The following IMMP2L variants were observed in gnomAD, a reference collection of about 807,000 sequenced individuals.
IMMP2L encodes mitochondrial inner membrane protease subunit 2.
In IMMP2L, 18 loss-of-function variants were observed where a neutral mutation model predicts 19.3. The observed-to-expected ratio is 0.93, with a 90% CI of 0.64 to 1.38. The LOEUF (loss-of-function observed/expected upper bound fraction) is 1.38, where lower values mean the gene tolerates loss of function less well. Among genes scored for constraint, IMMP2L ranks in the 40% most tolerant of loss-of-function variants. The pLI is 0.00. For missense variants in IMMP2L, 233 were observed against 218.2 expected, an observed-to-expected ratio of 1.07 and a Z score of -0.43; for synonymous variants, 76 against 73.0, an observed-to-expected ratio of 1.04 and a Z score of -0.21.
At chr7:110,773,053 T>C (rs1319464179) in intron 5 of IMMP2L, among the ~76,000 whole-genome samples, 2 of 152,104 alleles carry the variant, frequency 1.3e-5, no homozygotes, top group East Asian at 3.9e-4. Context: ...TGAGGAGATA[T>C]ATATTCCCAA....
At chr7:111,104,427 G>A (rs1363012653) in intron 3 of IMMP2L, among the ~76,000 whole-genome samples, 1 of 151,756 alleles carries the variant, frequency 6.6e-6, no homozygotes, top group Non-Finnish European at 1.5e-5. Flanking sequence ...CACTTCTGTT[G>A]ATAATGCTCC....
At chr7:111,070,775 T>C (rs911371038) in intron 3 of IMMP2L, among the ~76,000 whole-genome samples, 1 of 152,182 alleles carries the variant, frequency 6.6e-6, no homozygotes, top group African/African-American at 2.4e-5. Flanking sequence ...GAACCTTAGA[T>C]ACTTTAAAAT....
intron 3 of IMMP2L, among the ~76,000 whole-genome samples, chr7:111,325,568 G>A (rs1825224182): frequency 6.6e-6 from 1 of 151,504 alleles, no homozygotes; most frequent in Non-Finnish European, 1.5e-5. Context: ...ATTTTTTGGA[G>A]TTTAGGTTTT....
chr7:111,484,817 C>T (rs1012368653), intron 3 of IMMP2L, among the ~76,000 whole-genome samples: 2 of 152,130 alleles, frequency 1.3e-5, no homozygotes, highest in Non-Finnish European at 2.9e-5. Context: ...TAGGCAGGGT[C>T]TCACTGTCAC....
At chr7:110,900,225 A>G (rs1040676889) in intron 4 of IMMP2L, among the ~76,000 whole-genome samples, 1 of 151,732 alleles carries the variant, frequency 6.6e-6, no homozygotes, top group Admixed American at 6.6e-5. Flanking sequence ...TGAAGAGTCA[A>G]TCCTCCGTAA....
intron 3 of IMMP2L, among the ~76,000 whole-genome samples, chr7:111,312,577 T>C (rs1823636006): frequency 6.6e-6 from 1 of 152,122 alleles, no homozygotes; most frequent in African/African-American, 2.4e-5. Context: ...ATAAACCTTC[T>C]AGTGTAGTCA....
chr7:111,219,581 C>G (rs1812307598), intron 3 of IMMP2L, among the ~76,000 whole-genome samples: 1 of 151,890 alleles, frequency 6.6e-6, no homozygotes, highest in Admixed American at 6.6e-5. Context: ...TTTTTGCTTA[C>G]ATATTTTATT....
intron 5 of IMMP2L, among the ~76,000 whole-genome samples, chr7:110,882,852 G>A (rs533245039): frequency 2.5e-4 from 38 of 150,698 alleles, no homozygotes; most frequent in Middle Eastern, 3.4e-3. Context: ...TGCTTAAAAT[G>A]TCCATTTCCC....
chr7:110,687,565 A>C (rs567495376), intron 5 of IMMP2L, among the ~76,000 whole-genome samples: 5 of 152,206 alleles, frequency 3.3e-5, no homozygotes, highest in Non-Finnish European at 5.9e-5. Flanking sequence ...TGGCTGACAA[A>C]AGGGACCTAT....
intron 3 of IMMP2L, among the ~76,000 whole-genome samples, chr7:111,110,061 G>A (rs1364149683): frequency 6.6e-6 from 1 of 152,168 alleles, no homozygotes; most frequent in African/African-American, 2.4e-5. Context: ...CTTGAACCCA[G>A]GAGGTGGAGG....
chr7:111,219,392 A>G (rs2129620264), intron 3 of IMMP2L, among the ~76,000 whole-genome samples: 1 of 152,124 alleles, frequency 6.6e-6, no homozygotes, highest in East Asian at 1.9e-4. Context: ...TCTGGAAATA[A>G]GGCCTAGGAC....
At chr7:111,489,401 T>A (rs944153878) in intron 2 of IMMP2L, among the ~76,000 whole-genome samples, 2 of 152,072 alleles carry the variant, frequency 1.3e-5, no homozygotes, top group African/African-American at 4.8e-5. Context: ...GACTCTCCAA[T>A]AATGCTACCA....
chr7:111,325,768 C>A (rs1311127291), intron 3 of IMMP2L, among the ~76,000 whole-genome samples: 2 of 151,592 alleles, frequency 1.3e-5, no homozygotes, highest in Non-Finnish European at 3.0e-5. Flanking sequence ...GAGTATATAA[C>A]TTCTATTCCC....
chr7:110,673,127 A>C (rs1375392332), intron 5 of IMMP2L, among the ~76,000 whole-genome samples: 1 of 152,208 alleles, frequency 6.6e-6, no homozygotes, highest in Non-Finnish European at 1.5e-5. Flanking sequence ...TATCCTCTGA[A>C]GTCTAGATGG....
chr7:111,013,619 C>T (rs1044590794), intron 3 of IMMP2L, among the ~76,000 whole-genome samples: 3 of 152,088 alleles, frequency 2.0e-5, no homozygotes, highest in African/African-American at 7.2e-5. Context: ...TGTTCACAGG[C>T]ATCACTCCAA....
chr7:110,821,345 G>C (rs550609208), intron 5 of IMMP2L, among the ~76,000 whole-genome samples: 70 of 152,192 alleles, frequency 4.6e-4, no homozygotes, highest in Admixed American at 1.6e-3. Context: ...ACTATAAACA[G>C]AGTCTTTATC....
At chr7:111,435,740 G>T (rs1256389071) in intron 3 of IMMP2L, among the ~76,000 whole-genome samples, 1 of 151,752 alleles carries the variant, frequency 6.6e-6, no homozygotes, top group Non-Finnish European at 1.5e-5. Context: ...AAAAAACTAT[G>T]AGCTACAAAT....
At chr7:110,825,717 C>T (rs1401049819) in intron 5 of IMMP2L, among the ~76,000 whole-genome samples, 6 of 151,368 alleles carry the variant, frequency 4.0e-5, no homozygotes, top group Admixed American at 6.6e-5. Flanking sequence ...AATGTTAGAC[C>T]TAAAACCATA....
intron 3 of IMMP2L, among the ~76,000 whole-genome samples, chr7:111,230,108 T>A (rs1042740582): frequency 2.6e-5 from 4 of 151,812 alleles, no homozygotes; most frequent in African/African-American, 9.7e-5. Context: ...CAAACAATAA[T>A]GAGTTGCTGG....
Sources: gnomAD v4.1 joint callset for allele counts (sites outside exome capture counted in the v4.1 genomes callset) on GRCh38, gnomAD v4.1.1 for gene constraint, MANE v1.5 for transcripts, NCBI Gene and HGNC (gene_info 2026-07-23, HGNC 2026-07-21) for gene names.